The following ZNF585A variants were observed in gnomAD, a reference collection of about 807,000 sequenced individuals.
ZNF585A encodes zinc finger protein 585A.
In ZNF585A, 9 loss-of-function variants were observed where a neutral mutation model predicts 14.9. That is an observed-to-expected ratio of 0.60 (90% CI 0.36 to 1.05). The LOEUF is 1.05. ZNF585A is among the 50% of genes least tolerant of loss of function. The pLI is 0.01. For synonymous variants in ZNF585A, 276 were observed against 319.9 expected, an observed-to-expected ratio of 0.86 and a Z score of 1.46; for missense variants, 726 against 926.4, an observed-to-expected ratio of 0.78 and a Z score of 2.81.
chr19:37,155,563 G>A (rs950998711), intron 4 of ZNF585A, among the ~76,000 whole-genome samples: 1 of 151,906 alleles, frequency 6.6e-6, no homozygotes, highest in Admixed American at 6.6e-5. Context: ...GCTGAGGCAC[G>A]AGAATTGCTT....
At position 37,151,876 on chromosome 19, in the gene ZNF585A, A is replaced by C. The variant is rs1459353445; in HGVS notation, c.2023T>G (p.Ser675Ala). ...ATTCTGTGATGTGTAATCAACTCTG[A>C]CTTCTGTCGAAAGGTCTTCCCACAT... Reference protein sequence around the residue: ...SECGKTFRQKSELITHHRIHT... With the variant: ...SECGKTFRQKAELITHHRIHT... Residue 675 changes from serine (S) to alanine (A), a missense_variant, in exon 5 of 5, where the codon TCA (serine) becomes GCA (alanine). This residue lies in a region of ZNF585A where 243 missense variants were observed against 383.6 expected (regional missense o/e 0.63). Transcript: ENST00000292841. The C allele has an allele frequency of 2.5e-6, 4 of 1,612,008 alleles. No individual in the cohort carries two copies. The highest frequency in any genetic ancestry group is 3.4e-6 in the Non-Finnish European group (4 of 1,179,458).
Position 37,147,840 on chromosome 19 carries a change from TAGTA to T in ZNF585A, c.*3745_*3748del, listed in dbSNP as rs1359507001. The T allele has an allele frequency of 2.0e-5, 3 of 152,220 alleles. No homozygotes were observed. The highest frequency in any genetic ancestry group is 4.4e-5 in the Non-Finnish European group (3 of 68,032). 9.4% of individuals were successfully genotyped at this position (152,220 alleles called of 1,614,324 possible). ...GCACTTTTGAGATTCATCCATGTTG[TAGTA>T]AGTGTCAATAAATCATTTCTTTATG... On this transcript the variant is annotated 3_prime_UTR_variant, in exon 5 of 5. Coordinates refer to ENST00000292841, the MANE Select transcript of ZNF585A (RefSeq NM_001288800.2).
Position 37,149,397 on chromosome 19 carries a change from T to C in ZNF585A, c.*2192A>G, listed in dbSNP as rs2145392444. The stretch of plus-strand genomic sequence containing the variant: ...TATTATAATATTGTTACAATAAATA[T>C]ATAAGAGAAATAATCAAAAGTCATT... On this transcript the variant is annotated 3_prime_UTR_variant, in exon 5 of 5. Coordinates refer to ENST00000292841, the MANE Select transcript of ZNF585A (RefSeq NM_001288800.2). 6.6e-6 allele frequency: 1 copy of C among 152,312 alleles called. No individual in the cohort carries two copies. The highest frequency in any genetic ancestry group is 2.4e-5 in the African/African-American group (1 of 41,574). 9.4% of individuals were successfully genotyped at this position (152,312 alleles called of 1,614,324 possible).
intron 2 of ZNF585A, among the ~76,000 whole-genome samples, chr19:37,166,576 T>G (rs190861503): frequency 2.6e-5 from 4 of 152,270 alleles, no homozygotes; most frequent in Admixed American, 2.6e-4. Flanking sequence ...CCTCCCAAAG[T>G]GCTGGGATTA....
intron 4 of ZNF585A, among the ~76,000 whole-genome samples, chr19:37,154,669 C>A (rs1231905856): frequency 3.1e-5 from 3 of 97,680 alleles, no homozygotes; most frequent in Non-Finnish European, 6.0e-5. Context: ...GTAACAGTGA[C>A]CCCCAAAGTC....
At chr19:37,160,664 A>T (rs1384479473) in intron 2 of ZNF585A, among the ~76,000 whole-genome samples, 1 of 151,920 alleles carries the variant, frequency 6.6e-6, no homozygotes, top group Non-Finnish European at 1.5e-5. Context: ...AAAAATAAAC[A>T]CTCCAAGCTA....
Position 37,153,002 on chromosome 19 carries a change from C to G in ZNF585A, c.897G>C (p.Glu299Asp). The G allele has an allele frequency of 6.2e-7, 1 of 1,614,174 alleles. No individual in the cohort carries two copies. The highest frequency in any genetic ancestry group is 8.5e-7 in the Non-Finnish European group (1 of 1,180,032). ...TGAAGGATTTGCCACAGTTACTGCA[C>G]TCATATGGTTTTTCTCCAGTATGAA... ...RRIHTGEKPY[E>D]CSNCGKSFIS... The change falls in exon 5 of 5, where the codon GAG becomes GAC. Residue 299 changes from glutamate to aspartate, a missense_variant. Coordinates refer to ENST00000292841, the MANE Select transcript of ZNF585A (RefSeq NM_001288800.2).
chr19:37,155,284 G>A (rs1354056404), intron 4 of ZNF585A, among the ~76,000 whole-genome samples: 4 of 151,020 alleles, frequency 2.6e-5, no homozygotes, highest in Non-Finnish European at 5.9e-5. Context: ...CACCGCGCCC[G>A]GCCAAGAAAG....
intron 2 of ZNF585A, among the ~76,000 whole-genome samples, chr19:37,164,270 G>T (rs1265696111): frequency 6.6e-6 from 1 of 152,054 alleles, no homozygotes; most frequent in African/African-American, 2.4e-5. Flanking sequence ...GGGCGTGGTG[G>T]CGGGCGCCTG....
At position 37,145,857 on chromosome 19, in the gene ZNF585A, ATGT is replaced by A. The variant is rs1252923648; in HGVS notation, c.*5729_*5731del. On this transcript the variant is annotated 3_prime_UTR_variant, in exon 5 of 5. Coordinates refer to ENST00000292841, the MANE Select transcript of ZNF585A (RefSeq NM_001288800.2). ...AGGATTTCTTAGCATCAGAATTGAT[ATGT>A]TGTTATTTATGATATCTTAATAATT... 6.6e-6 allele frequency: 1 copy of A among 152,242 alleles called. No homozygotes were observed. The highest frequency in any genetic ancestry group is 1.9e-4 in the East Asian group (1 of 5,202). 9.4% of individuals were successfully genotyped at this position (152,242 alleles called of 1,614,324 possible).
chr19:37,156,591 T>TTTATCATATCATTTATTAA (rs1971935220), intron 2 of ZNF585A, among the ~76,000 whole-genome samples: 2 of 152,230 alleles, frequency 1.3e-5, no homozygotes, highest in Admixed American at 1.3e-4. Flanking sequence ...AACACTTTAC[T>TTTATCATATCATTTATTAA]TGCTTTATCA....
chr19:37,169,435 T>TAAAAAAAA (rs749236930), intron 2 of ZNF585A, among the ~76,000 whole-genome samples: 1 of 96,448 alleles, frequency 1.0e-5, no homozygotes, highest in African/African-American at 4.0e-5. Context: ...AACAGAAATG[T>TAAAAAAAA]AAAAAAAAAA....
rs1383332534 is a variant in ZNF585A, at chr19:37,152,465, C to T, written c.1434G>A (p.Arg478=). The T allele has an allele frequency of 5.0e-6, 8 of 1,613,948 alleles. No homozygotes were observed. Among genetic ancestry groups the T allele is most frequent in the Admixed American group, 1.7e-5 (1 of 59,986 alleles). ...CNKCGKAFTN[R]SNLITHQKTH... ...TTTTCTGATGTGTAATGAGATTTGACCGGTTGGTGAATGCCTTCCCACATT... is the reference window on the plus strand; with the variant it reads ...TTTTCTGATGTGTAATGAGATTTGATCGGTTGGTGAATGCCTTCCCACATT... The change falls in exon 5 of 5, where the codon CGG becomes CGA. Residue 478 remains arginine (R), a synonymous_variant. Transcript: ENST00000292841.
Position 37,153,233 on chromosome 19 carries a change from G to A in ZNF585A, c.666C>T (p.Gly222=), listed in dbSNP as rs1465280331. The A allele has an allele frequency of 6.8e-6, 11 of 1,614,026 alleles. No homozygotes were observed. Among genetic ancestry groups the A allele is most frequent in the African/African-American group, 1.3e-5 (1 of 74,924 alleles). The change falls in exon 5 of 5, where the codon GGC becomes GGT. Residue 222 remains glycine (G), a synonymous_variant. Transcript: ENST00000292841. ...TACTGAGATCTGAGTTATAAGAGAA[G>A]CCTTTCCCACACTGGCTGCATTCAT... ...KLYECSQCGK[G]FSYNSDLSIH...
At chr19:37,167,831 C>G (rs1159001870) in intron 2 of ZNF585A, among the ~76,000 whole-genome samples, 2 of 152,092 alleles carry the variant, frequency 1.3e-5, no homozygotes, top group Middle Eastern at 3.4e-3. Flanking sequence ...TGAGTTTCAC[C>G]ATGTTAGCCA....
intron 2 of ZNF585A, among the ~76,000 whole-genome samples, chr19:37,169,435 T>TAAA (rs749236930): frequency 1.0e-5 from 1 of 96,452 alleles, no homozygotes; most frequent in African/African-American, 4.0e-5. Context: ...AACAGAAATG[T>TAAA]AAAAAAAAAA....
At chr19:37,157,597 T>C (rs1467981326) in intron 2 of ZNF585A, among the ~76,000 whole-genome samples, 1 of 152,100 alleles carries the variant, frequency 6.6e-6, no homozygotes, top group East Asian at 1.9e-4. Flanking sequence ...ACTTGGAAGA[T>C]ACAAAGTGTA....
In ZNF585A at chr19:37,172,607, T is replaced by C. The variant is rs1244299291; in HGVS notation, c.-145+20A>G. The C allele has an allele frequency of 6.6e-6, 1 of 152,060 alleles. No individual in the cohort carries two copies. Among genetic ancestry groups the C allele is most frequent in the Non-Finnish European group, 1.5e-5 (1 of 67,992 alleles). The allele number at this position is 152,060 out of a possible 1,614,324, so 9.4% of individuals were successfully genotyped here. ...ATTACTGGCTCCACAGAAACCCCAA[T>C]CGTGATCAACCAAAATCACCTCAAA... On this transcript the variant is annotated intron_variant, in intron 1 of 4. Transcript: ENST00000292841.
chr19:37,156,230 T>C lies in ZNF585A; in HGVS notation c.198A>G (p.Val66=), dbSNP rs767549322. Residue 66 remains valine, a splice_region_variant and synonymous_variant, in exon 3 of 5, where the codon GTA becomes GTG. Coordinates refer to ENST00000292841, the MANE Select transcript of ZNF585A (RefSeq NM_001288800.2). ...MLETYSHLLS[V]GYQVPEAEVV... ...AGATACCAAGGTGACTGTGCTTACC[T>C]ACTGAGAGCAGGTGGCTGTAGGTCT... The C allele has an allele frequency of 3.1e-6, 5 of 1,613,914 alleles. No homozygotes were observed. The East Asian group carries it at 1.1e-4, about 36-fold the overall frequency.
Sources: gnomAD v4.1 joint callset for allele counts (sites outside exome capture counted in the v4.1 genomes callset) on GRCh38, gnomAD v4.1.1 for gene constraint, gnomAD v4.1.1 regional missense constraint, MANE v1.5 for transcripts, NCBI Gene and HGNC (gene_info 2026-07-23, HGNC 2026-07-21) for gene names.